LRRC7: variants seen among roughly 807,000 people sequenced by gnomAD.
The protein encoded by LRRC7 is leucine rich repeat containing 7.
LRRC7 carries 23 observed loss-of-function variants against 175.7 expected under a neutral mutation model. The ratio of observed to expected loss-of-function variants is 0.13; its 90% CI spans 0.09 to 0.19. The LOEUF (loss-of-function observed/expected upper bound fraction) is 0.19. Ranked by LOEUF, LRRC7 falls within the 10% of genes least tolerant of loss-of-function variation. The pLI is 1.00. For missense variants in LRRC7, 1,354 were observed against 1,904.7 expected, an observed-to-expected ratio of 0.71 and a Z score of 5.38; for synonymous variants, 685 against 680.9, an observed-to-expected ratio of 1.01 and a Z score of -0.09.
At chr1:69,812,839 T>G (rs963095859) in intron 4 of LRRC7, among the ~76,000 whole-genome samples, 4 of 152,114 alleles carry the variant, frequency 2.6e-5, no homozygotes, top group Admixed American at 2.6e-4. Flanking sequence ...CATTCAAAAT[T>G]TGGTATTTGT....
At chr1:70,097,959 T>C (rs1215296268) in intron 25 of LRRC7, among the ~76,000 whole-genome samples, 1 of 151,038 alleles carries the variant, frequency 6.6e-6, no homozygotes, top group Non-Finnish European at 1.5e-5. Context: ...TGATTTATAG[T>C]CCTTTGGGTA....
chr1:69,863,019 C>G (rs1684530997), intron 7 of LRRC7, among the ~76,000 whole-genome samples: 1 of 152,144 alleles, frequency 6.6e-6, no homozygotes, highest in African/African-American at 2.4e-5. Flanking sequence ...TCATTTACAT[C>G]ACTATCTGTA....
At position 70,063,020 on chromosome 1, in the gene LRRC7, C is replaced by T. The variant is rs77754579; in HGVS notation, c.4230+9875C>T. On this transcript the variant is annotated intron_variant, in intron 23 of 26. Coordinates refer to ENST00000651989, the MANE Select transcript of LRRC7 (RefSeq NM_001370785.2). The stretch of plus-strand genomic sequence containing the variant: ...CTTAAGACAACATTATTCTTTAACT[C>T]ACAAAGCATACCTTTATTTCCTAAT... 3.2e-3 allele frequency among the ~76,000 whole-genome samples: 480 copies of T among 152,172 alleles called. 6 individuals are homozygous for T. The highest frequency in any genetic ancestry group is 0.011 in the African/African-American group (466 of 41,558).
At chr1:69,901,389 C>T (rs969386161) in intron 7 of LRRC7, among the ~76,000 whole-genome samples, 5 of 152,168 alleles carry the variant, frequency 3.3e-5, no homozygotes, top group Non-Finnish European at 5.9e-5. Context: ...TAGTAATACT[C>T]ATTAAAATAG....
intron 26 of LRRC7, among the ~76,000 whole-genome samples, chr1:70,119,283 C>A (rs1666062382): frequency 1.3e-5 from 2 of 152,128 alleles, no homozygotes; most frequent in African/African-American, 4.8e-5. Context: ...TTGCCCTCCT[C>A]TGAACTACTC....
At chr1:69,583,321 G>T (rs1448756240) in intron 1 of LRRC7, among the ~76,000 whole-genome samples, 2 of 151,732 alleles carry the variant, frequency 1.3e-5, no homozygotes, top group Non-Finnish European at 2.9e-5. Flanking sequence ...GTTAATAAAT[G>T]GAGTCACTAA....
In LRRC7 at chr1:69,776,199, A is replaced by G. The variant is rs560270861; in HGVS notation, c.303+15806A>G. The stretch of plus-strand genomic sequence containing the variant: ...ATTGTCTTACTCCTATCTTATTTTT[A>G]TCATCTACTGACCCTGTGGTAATTC... On this transcript the variant is annotated intron_variant, in intron 3 of 26. Transcript: ENST00000651989. 8.1e-4 allele frequency among the ~76,000 whole-genome samples: 124 copies of G among 152,246 alleles called. 1 individual carries two copies. The highest frequency in any genetic ancestry group is 2.8e-3 in the African/African-American group (117 of 41,554).
intron 8 of LRRC7, among the ~76,000 whole-genome samples, chr1:69,952,712 G>A (rs1425728333): frequency 6.6e-6 from 1 of 151,996 alleles, no homozygotes; most frequent in Non-Finnish European, 1.5e-5. Flanking sequence ...CATTCTTCAT[G>A]TTCAGGCACC....
chr1:69,957,028 T>A (rs1650566259), intron 8 of LRRC7, among the ~76,000 whole-genome samples: 1 of 151,776 alleles, frequency 6.6e-6, no homozygotes, highest in South Asian at 2.1e-4. Context: ...CTAATCTTCT[T>A]TTTTCATTTA....
At chr1:70,072,617 G>A (rs868730478) in intron 23 of LRRC7, among the ~76,000 whole-genome samples, 2 of 136,916 alleles carry the variant, frequency 1.5e-5, no homozygotes, top group Middle Eastern at 3.9e-3. Context: ...TGCTGCTGCT[G>A]CTAACAGAAT....
intron 8 of LRRC7, among the ~76,000 whole-genome samples, chr1:69,974,422 A>C (rs1322757148): frequency 2.0e-5 from 3 of 152,324 alleles, no homozygotes; most frequent in Non-Finnish European, 4.4e-5. Flanking sequence ...TTTCCAAAAA[A>C]ATTACAGTTT....
At chr1:69,953,018 A>G (rs1461633521) in intron 8 of LRRC7, among the ~76,000 whole-genome samples, 2 of 150,064 alleles carry the variant, frequency 1.3e-5, no homozygotes, top group Non-Finnish European at 3.0e-5. Flanking sequence ...AAAAAAAAAA[A>G]AGTATATATT....
In LRRC7 at chr1:69,741,327, T is replaced by A. The variant is rs145485125; in HGVS notation, c.101-18864T>A. 5.3e-5 allele frequency among the ~76,000 whole-genome samples: 8 copies of A among 152,134 alleles called. 2 individuals carry two copies. The highest frequency in any genetic ancestry group is 1.9e-4 in the African/African-American group (8 of 41,538). ...TCTGAAATTTACATATAACTGGGTA[T>A]CGTGGGGTTTTTGTTGTTTGTTTGA... is the stretch of plus-strand genomic sequence containing the variant. On this transcript the variant is annotated intron_variant, in intron 2 of 26. Transcript: ENST00000651989.
chr1:70,072,092 T>C (rs1006978130), intron 23 of LRRC7, among the ~76,000 whole-genome samples: 1 of 152,162 alleles, frequency 6.6e-6, no homozygotes, highest in Non-Finnish European at 1.5e-5. Context: ...ACTTTGACAG[T>C]TTTTTAGGGG....
intron 7 of LRRC7, among the ~76,000 whole-genome samples, chr1:69,854,182 G>A (rs1395831364): frequency 6.6e-6 from 1 of 151,962 alleles, no homozygotes; most frequent in Non-Finnish European, 1.5e-5. Context: ...CTTCACCCTT[G>A]TATTACTAAA....
At chr1:69,848,930 T>TA (rs1007435968) in intron 7 of LRRC7, among the ~76,000 whole-genome samples, 93 of 152,008 alleles carry the variant, frequency 6.1e-4, no homozygotes, top group Non-Finnish European at 8.4e-4. Context: ...TCATGGATTT[T>TA]AAAAAAAATC....
Position 70,018,708 on chromosome 1 carries a change from T to A in LRRC7, c.1321-11T>A, listed in dbSNP as rs762613590. 1.9e-6 allele frequency: 3 copies of A among 1,593,768 alleles called. No homozygotes were observed. The African/African-American group carries it at 4.0e-5, about 21-fold the overall frequency. ...TTGTATTCATCTAATTTGTATGTTC[T>A]TTGCTTCTAGTCCAAAGCCCTTATC... On this transcript the variant is annotated splice_polypyrimidine_tract_variant and intron_variant, in intron 14 of 26. Transcript: ENST00000651989.
intron 8 of LRRC7, among the ~76,000 whole-genome samples, chr1:69,972,706 G>GGTTTTCCAC: frequency 6.6e-6 from 1 of 152,062 alleles, no homozygotes; most frequent in African/African-American, 2.4e-5. Context: ...GGAAAACAGT[G>GGTTTTCCAC]TGGTGATTCC....
chr1:69,583,674 G>A (rs1245029668), intron 1 of LRRC7, among the ~76,000 whole-genome samples: 2 of 152,040 alleles, frequency 1.3e-5, no homozygotes, highest in Admixed American at 1.3e-4. Context: ...CCCCAATTGG[G>A]GAAATGATAT....
Sources: gnomAD v4.1 joint callset for allele counts (sites outside exome capture counted in the v4.1 genomes callset) on GRCh38, gnomAD v4.1.1 for gene constraint, MANE v1.5 for transcripts, NCBI Gene and HGNC (gene_info 2026-07-23, HGNC 2026-07-21) for gene names.